The following ICE2 variants were observed in gnomAD, a reference collection of about 807,000 sequenced individuals.
ICE2 encodes the protein little elongation complex subunit 2.
A neutral mutation model predicts 105.4 loss-of-function variants in ICE2; 87 were observed. The ratio of observed to expected loss-of-function variants is 0.83; its 90% CI spans 0.69 to 0.99. The LOEUF (loss-of-function observed/expected upper bound fraction) is 0.99, where lower values mean the gene tolerates loss of function less well. Among genes scored for constraint, ICE2 ranks in the 50% least tolerant of loss-of-function variants. The pLI is 0.00. For missense variants in ICE2, 1,323 were observed against 1,146.7 expected (o/e 1.15, Z -2.22); for synonymous variants, 399 against 392.0 (o/e 1.02, Z -0.21).
intron 13 of ICE2, among the ~76,000 whole-genome samples, chr15:60,435,417 T>C (rs544605113): frequency 6.6e-6 from 1 of 151,680 alleles, no homozygotes; most frequent in South Asian, 2.1e-4. Flanking sequence ...CTAACCAATA[T>C]GGAGAAACCC....
At chr15:60,467,988 A>G in intron 4 of ICE2, 73 bp downstream of exon 4, 2 of 1,346,910 alleles carry the variant, frequency 1.5e-6, no homozygotes, top group Non-Finnish European at 2.0e-6. Flanking sequence ...TAAAAACATA[A>G]ATGTAAATTT....
At position 60,431,982 on chromosome 15, in the gene ICE2, A is replaced by C. The variant is rs1280114568; in HGVS notation, c.2513T>G (p.Ile838Ser). The stretch of plus-strand genomic sequence containing the variant: ...TTGGAGGATGTTAAATAAATTGGAA[A>C]TCCTGATAAACAAAAGAAATTCATG... Reference protein sequence around the residue: ...ELKEKLSALKISNLFNILQHI... With the variant: ...ELKEKLSALKSSNLFNILQHI... The change falls in exon 14 of 16, where the codon ATT becomes AGT. Residue 838 changes from isoleucine to serine, a missense_variant and splice_region_variant. By Grantham distance (142) the Ile-to-Ser change is moderately radical. Transcript: ENST00000261520. 1.4e-6 allele frequency: 2 copies of C among 1,408,764 alleles called. No individual in the cohort carries two copies. The allele number at this position is 1,408,764 out of a possible 1,614,324, so 87.3% of individuals were successfully genotyped here. A position where few individuals can be genotyped will look rare whatever the true frequency, so the allele number is the denominator to read the frequency against.
rs765483468 is a variant in ICE2, at chr15:60,449,651, G to A, written c.1316C>T (p.Thr439Ile). Residue 439 changes from threonine to isoleucine, a missense_variant, in exon 10 of 16, where the codon ACT becomes ATT. Coordinates refer to ENST00000261520, the MANE Select transcript of ICE2 (RefSeq NM_024611.6). ...TGGTGCACTTGGTGCCACAGTTGTA[G>A]TTCCTGCTTTGGGGGCTGTAGGAGC... ...TDAPTAPKAG[T>I]TTVAPSAPDI... 6 of 1,614,114 alleles carry A rather than the reference G, an allele frequency of 3.7e-6. No homozygotes were observed. Among genetic ancestry groups the A allele is most frequent in the Non-Finnish European group, 2.5e-6 (3 of 1,180,008 alleles).
rs527434753 is a variant in ICE2, at chr15:60,444,240, A to T, written c.2296-1695T>A. Among the ~76,000 whole-genome samples the T allele has an allele frequency of 1.8e-3, 274 of 152,276 alleles. 3 individuals carry two copies. The highest frequency in any genetic ancestry group is 6.0e-3 in the African/African-American group (249 of 41,570). On this transcript the variant is annotated intron_variant, in intron 11 of 15. Transcript: ENST00000261520. ...AGTTAATTCCATATATTTAAAAAAAATTTTAAATATGTATTATTTCTAAAA... is the reference window on the plus strand; with the variant it reads ...AGTTAATTCCATATATTTAAAAAAATTTTTAAATATGTATTATTTCTAAAA...
intron 15 of ICE2, among the ~76,000 whole-genome samples, chr15:60,425,618 A>G (rs1440731291): frequency 2.6e-5 from 4 of 152,216 alleles, no homozygotes; most frequent in Non-Finnish European, 5.9e-5. Flanking sequence ...CAGGGTTAGT[A>G]CCAAAGGCAC....
chr15:60,424,528 A>ATTTT, intron 15 of ICE2, among the ~76,000 whole-genome samples: 1 of 151,940 alleles, frequency 6.6e-6, no homozygotes, highest in Non-Finnish European at 1.5e-5. Context: ...TTCTTTTGAG[A>ATTTT]CAGAGTCTCG....
chr15:60,452,344 C>T, intron 9 of ICE2: 2 of 763,980 alleles, frequency 2.6e-6, no homozygotes, highest in Non-Finnish European at 3.2e-6. Context: ...TTTGCTCCCT[C>T]ATTTTACTCA....
intron 3 of ICE2, among the ~76,000 whole-genome samples, chr15:60,474,878 T>C (rs905263786): frequency 7.9e-5 from 12 of 152,106 alleles, no homozygotes; most frequent in South Asian, 2.1e-4. Context: ...CCCCAGCACT[T>C]TGGGAGGCCA....
At chr15:60,458,620 C>T (rs2064190738) in intron 5 of ICE2, among the ~76,000 whole-genome samples, 1 of 152,046 alleles carries the variant, frequency 6.6e-6, no homozygotes, top group Non-Finnish European at 1.5e-5. Flanking sequence ...GGGATTTGAA[C>T]AGATATATGT....
At chr15:60,463,247 T>G (rs2064329531) in intron 5 of ICE2, among the ~76,000 whole-genome samples, 1 of 152,188 alleles carries the variant, frequency 6.6e-6, no homozygotes, top group South Asian at 2.1e-4. Flanking sequence ...TGCGTATGTG[T>G]ACCAAAAGAA....
rs1210603286 is a variant in ICE2 at position 60,448,011 on chromosome 15, C to G, written c.2254G>C (p.Glu752Gln). 6.2e-7 allele frequency: 1 copy of G among 1,612,744 alleles called. No individual in the cohort carries two copies. The highest frequency in any genetic ancestry group is 8.5e-7 in the Non-Finnish European group (1 of 1,179,654). The change falls in exon 11 of 16, where the codon GAG becomes CAG. Residue 752 changes from glutamate (E) to glutamine (Q), a missense_variant. Transcript: ENST00000261520. ...LLVRCSVQRI[E>Q]TRPRSKKRKK... ...CGTTTTTTAGAACGTGGTCTTGTCTCTATCCTCTGGACACTGCAGCGTACG... is the reference window on the plus strand; with the variant it reads ...CGTTTTTTAGAACGTGGTCTTGTCTGTATCCTCTGGACACTGCAGCGTACG...
In ICE2 at chr15:60,468,049, C is replaced by CT; in HGVS notation, c.408+11_408+12insA. 12 of 1,578,534 alleles carry CT rather than the reference C, an allele frequency of 7.6e-6. No individual in the cohort carries two copies. The highest frequency in any genetic ancestry group is 1.0e-5 in the Non-Finnish European group (12 of 1,159,920). On this transcript the variant is annotated intron_variant, in intron 4 of 15. Transcript: ENST00000261520. The stretch of plus-strand genomic sequence containing the variant: ...ATTATTTTTTCCTGAAACTGAAGAA[C>CT]ACAATACATACCAAGTACTGCAAGT...
At chr15:60,475,139 G>A (rs1354026977) in intron 3 of ICE2, among the ~76,000 whole-genome samples, 4 of 152,086 alleles carry the variant, frequency 2.6e-5, no homozygotes, top group African/African-American at 4.8e-5. Context: ...CTTCCCTGGG[G>A]GAGTTTCCTA....
chr15:60,474,821 T>C (rs1163945068), intron 3 of ICE2, among the ~76,000 whole-genome samples: 2 of 152,112 alleles, frequency 1.3e-5, no homozygotes, highest in African/African-American at 4.8e-5. Context: ...CTTGAGCATG[T>C]TCAAATACTG....
chr15:60,451,189 G>T, intron 9 of ICE2: 1 of 677,510 alleles, frequency 1.5e-6, no homozygotes, highest in Non-Finnish European at 1.8e-6. Context: ...CTGTCTCTAA[G>T]TAAAAAATAA....
intron 15 of ICE2, among the ~76,000 whole-genome samples, chr15:60,424,814 C>T (rs1055051179): frequency 1.3e-5 from 2 of 152,182 alleles, no homozygotes; most frequent in African/African-American, 4.8e-5. Context: ...CCAAGGTGGT[C>T]TATTCTTAAT....
intron 11 of ICE2, chr15:60,443,164 G>C (rs961489184): frequency 6.6e-6 from 1 of 152,274 alleles, no homozygotes; most frequent in Admixed American, 6.5e-5. Flanking sequence ...CACTACATAA[G>C]TAAAATGACT....
At position 60,448,549 on chromosome 15, in the gene ICE2, T is replaced by C. The variant is rs559093243; in HGVS notation, c.2119+299A>G. On this transcript the variant is annotated intron_variant, in intron 10 of 15. Transcript: ENST00000261520. ...AATAAATTTTAAATCAATCAATGTT[T>C]ATGATTATTCTGGATGCACTTACCC... is the stretch of plus-strand genomic sequence containing the variant. Among the ~76,000 whole-genome samples, 3 of 152,364 alleles carry C rather than the reference T, an allele frequency of 2.0e-5. No homozygotes were observed. The South Asian group carries it at 6.2e-4, about 32-fold the overall frequency.
chr15:60,446,083 A>G (rs549540572), intron 11 of ICE2, among the ~76,000 whole-genome samples: 5 of 152,306 alleles, frequency 3.3e-5, no homozygotes, highest in Non-Finnish European at 7.4e-5. Context: ...GAATTTTGTC[A>G]TTCCTTGAGT....
Sources: allele counts gnomAD v4.1 joint callset (sites outside exome capture counted in the v4.1 genomes callset), GRCh38; gene constraint gnomAD v4.1.1; transcripts MANE v1.5; gene names NCBI Gene and HGNC (gene_info 2026-07-23, HGNC 2026-07-21).